The following EFCAB6 variants were observed in gnomAD, a reference collection of about 807,000 sequenced individuals.
EFCAB6 encodes the protein EF-hand calcium-binding domain-containing protein 6.
In EFCAB6, 156 loss-of-function variants were observed where a neutral mutation model predicts 169.8. That is an observed-to-expected ratio of 0.92 (90% CI 0.81 to 1.05). The LOEUF (loss-of-function observed/expected upper bound fraction) is 1.05, where lower values mean the gene tolerates loss of function less well. Among genes scored for constraint, EFCAB6 ranks in the 50% least tolerant of loss-of-function variants. The pLI, the probability that EFCAB6 is intolerant of heterozygous loss-of-function variation, is 0.00. For synonymous variants in EFCAB6, 698 were observed against 676.4 expected, an observed-to-expected ratio of 1.03 and a Z score of -0.50; for missense variants, 1,800 against 1,829.1, an observed-to-expected ratio of 0.98 and a Z score of 0.29.
intron 5 of EFCAB6, among the ~76,000 whole-genome samples, chr22:43,761,435 C>T (rs923174249): frequency 1.3e-5 from 2 of 151,868 alleles, no homozygotes; most frequent in Non-Finnish European, 2.9e-5. Flanking sequence ...TCTCTCAGTC[C>T]ACAAATGTTC....
chr22:43,595,707 A>C (rs1389660600), intron 23 of EFCAB6, among the ~76,000 whole-genome samples: 2 of 151,556 alleles, frequency 1.3e-5, no homozygotes, highest in African/African-American at 4.9e-5. Context: ...AAACTTTTTC[A>C]AAAAAATTGA....
chr22:43,792,541 A>G (rs2062339510), intron 2 of EFCAB6, among the ~76,000 whole-genome samples: 1 of 152,244 alleles, frequency 6.6e-6, no homozygotes, highest in Non-Finnish European at 1.5e-5. Flanking sequence ...AAGAAGGCAA[A>G]TACATTATCT....
At chr22:43,798,874 C>T (rs1215679553) in intron 2 of EFCAB6, among the ~76,000 whole-genome samples, 3 of 152,300 alleles carry the variant, frequency 2.0e-5, no homozygotes, top group Non-Finnish European at 2.9e-5. Context: ...TCTCTGCATC[C>T]CTGAGGTCAC....
intron 27 of EFCAB6, among the ~76,000 whole-genome samples, chr22:43,547,557 T>C (rs1985743957): frequency 1.3e-5 from 2 of 150,302 alleles, no homozygotes; most frequent in East Asian, 2.0e-4. Flanking sequence ...CTGGGCAACA[T>C]GGCAAAACTC....
At position 43,632,221 on chromosome 22, in the gene EFCAB6, G is replaced by A. The variant is rs1376829113; in HGVS notation, c.2116C>T (p.Pro706Ser). ...AGFEDPPMRG[P>S]ETTPPQPPTP... ...GGAGGCTGCGGCGGAGTGGTTTCCGGCCCTCTCATTGGAGGATCTGGAACA... is the reference window on the plus strand; with the variant it reads ...GGAGGCTGCGGCGGAGTGGTTTCCGACCCTCTCATTGGAGGATCTGGAACA... The change falls in exon 19 of 32, where the codon CCG (proline) becomes TCG (serine). Residue 706 changes from proline to serine, a missense_variant. By Grantham distance (74) the Pro-to-Ser change is moderately conservative. Coordinates refer to ENST00000262726, the MANE Select transcript of EFCAB6 (RefSeq NM_022785.4). 9 of 1,613,222 alleles carry A rather than the reference G, an allele frequency of 5.6e-6. No homozygotes were observed. Among genetic ancestry groups the A allele is most frequent in the African/African-American group, 1.3e-5 (1 of 74,750 alleles).
intron 7 of EFCAB6, among the ~76,000 whole-genome samples, chr22:43,734,630 A>C (rs1014464144): frequency 2.0e-5 from 3 of 152,188 alleles, no homozygotes; most frequent in Admixed American, 6.5e-5. Context: ...AAAATTATTT[A>C]ATTTGTTTTG....
chr22:43,725,939 G>A lies in EFCAB6; in HGVS notation c.757+5760C>T, dbSNP rs555535143. Among the ~76,000 whole-genome samples, 9 of 152,246 alleles carry A rather than the reference G, an allele frequency of 5.9e-5. No homozygotes were observed. In the East Asian group the frequency reaches 1.4e-3, roughly 23 times the overall value. On this transcript the variant is annotated intron_variant, in intron 8 of 31. Transcript: ENST00000262726. ...TGATGGAACTAAGATTGTATTTTAC[G>A]ATGAATGCAGGATAGAAGACAGACT...
chr22:43,734,657 G>C (rs1185868656), intron 7 of EFCAB6, among the ~76,000 whole-genome samples: 2 of 151,852 alleles, frequency 1.3e-5, no homozygotes, highest in African/African-American at 4.8e-5. Flanking sequence ...TCTTATTCTG[G>C]ACACTTTCCC....
chr22:43,650,951 T>A (rs186532750), intron 17 of EFCAB6, among the ~76,000 whole-genome samples: 214 of 152,298 alleles, frequency 1.4e-3, no homozygotes, highest in Admixed American at 6.4e-3. Flanking sequence ...ACTTGGGTGA[T>A]GTTAAAAGCA....
rs774037123 is a variant in EFCAB6 at position 43,549,722 on chromosome 22, C to T, written c.3648+5147G>A. ...ATATTGATACCAAAGCCAGACAAGA[C>T]AGGATGAGAAAAGAAAATTCATGAA... On this transcript the variant is annotated intron_variant, in intron 27 of 31. Coordinates refer to ENST00000262726, the MANE Select transcript of EFCAB6 (RefSeq NM_022785.4). Among the ~76,000 whole-genome samples, 76 of 152,160 alleles carry T rather than the reference C, an allele frequency of 5.0e-4. 1 individual carries two copies. The highest frequency in any genetic ancestry group is 1.5e-4 in the Non-Finnish European group (10 of 68,034).
At chr22:43,633,257 A>T (rs1346942063) in intron 18 of EFCAB6, among the ~76,000 whole-genome samples, 1 of 152,128 alleles carries the variant, frequency 6.6e-6, no homozygotes, top group Non-Finnish European at 1.5e-5. Flanking sequence ...TCTCCTTAAA[A>T]ACTCCATGTC....
In EFCAB6 at chr22:43,624,431, C is replaced by T. The variant is rs185926244; in HGVS notation, c.2465+2016G>A. ...ACGTCCTTCACAGCCCGCCCTCCTG[C>T]CCTCCTGGCCTCCTCCCCAACCAGG... On this transcript the variant is annotated intron_variant, in intron 20 of 31. Transcript: ENST00000262726. Among the ~76,000 whole-genome samples, 687 of 152,292 alleles carry T rather than the reference C, an allele frequency of 4.5e-3. 3 individuals are homozygous for T. Among genetic ancestry groups the T allele is most frequent in the Middle Eastern group, 0.034 (10 of 294 alleles).
intron 26 of EFCAB6, chr22:43,570,126 T>C (rs773367553): frequency 6.6e-6 from 1 of 152,174 alleles, no homozygotes; most frequent in Non-Finnish European, 1.5e-5. Flanking sequence ...ACTTCTCTCT[T>C]GGAACAAAAA....
rs115687967 is a variant in EFCAB6, at chr22:43,731,749, T to G, written c.707A>C (p.Asn236Thr). Residue 236 changes from asparagine to threonine, a missense_variant, in exon 8 of 32, where the codon AAT (asparagine) becomes ACT (threonine). Transcript: ENST00000262726. ...GTTCAAGTCGTTATTTATGCTGAGA[T>G]TCTTCAAAAACACGTTGTAATCTAC... is the stretch of plus-strand genomic sequence containing the variant. ...TAVDYNVFLK[N>T]LSINNDLNLR... 412 of 1,604,630 alleles carry G rather than the reference T, an allele frequency of 2.6e-4. No homozygotes were observed. In the African/African-American group the frequency reaches 5.2e-3, roughly 20 times the overall value.
chr22:43,763,780 T>C (rs748361579), intron 5 of EFCAB6, among the ~76,000 whole-genome samples: 2 of 152,106 alleles, frequency 1.3e-5, no homozygotes, highest in Non-Finnish European at 2.9e-5. Context: ...TTTATTATTT[T>C]TATTCTTTTG....
chr22:43,555,164 C>T, intron 26 of EFCAB6, 68 bp from the exon 27 acceptor site: 1 of 1,523,450 alleles, frequency 6.6e-7, no homozygotes. Flanking sequence ...CTGGGCTCCT[C>T]ACCCAGGGCA....
rs774884218 is a variant in EFCAB6, at chr22:43,600,237, ATGTGCCCTTT to A, written c.2698_2707del (p.Lys900LeufsTer43). 1.6e-5 allele frequency: 26 copies of A among 1,614,148 alleles called. 1 individual carries two copies. In the South Asian group the frequency reaches 2.7e-4, roughly 17 times the overall value. ...TTTCTGTAAAAATTCCTGGTAAGTA[ATGTGCCCTTT>A]TCCCTCGGTGTCGTATCTTAAAACA... is the stretch of plus-strand genomic sequence containing the variant. On this transcript the variant is annotated frameshift_variant, in exon 23 of 32. Coordinates refer to ENST00000262726, the MANE Select transcript of EFCAB6 (RefSeq NM_022785.4). LOFTEE classifies it high-confidence loss of function.
chr22:43,788,648 G>T (rs79479876), intron 2 of EFCAB6, among the ~76,000 whole-genome samples: 4,953 of 152,278 alleles, frequency 0.033, 176 homozygotes, highest in African/African-American at 0.087. Context: ...AAATGGTACA[G>T]ATGCTTTGGA....
chr22:43,712,501 TAG>T (rs1220641963), intron 9 of EFCAB6, among the ~76,000 whole-genome samples: 1 of 152,216 alleles, frequency 6.6e-6, no homozygotes, highest in Non-Finnish European at 1.5e-5. Context: ...TTAGTGTGCA[TAG>T]AAATATTGGT....
Sources: gnomAD v4.1 joint callset for allele counts (sites outside exome capture counted in the v4.1 genomes callset) on GRCh38, gnomAD v4.1.1 for gene constraint, MANE v1.5 for transcripts, NCBI Gene and HGNC (gene_info 2026-07-23, HGNC 2026-07-21) for gene names.